Variants in RAP1GAP2 observed in about 807,000 individuals in gnomAD.
RAP1GAP2 encodes the protein RAP1 GTPase activating protein 2, also known as rap1 GTPase-activating protein 2.
RAP1GAP2 carries 27 observed loss-of-function variants against 95.0 expected under a neutral mutation model. The ratio of observed to expected loss-of-function variants is 0.28; its 90% CI spans 0.21 to 0.39. The LOEUF (loss-of-function observed/expected upper bound fraction) is 0.39. RAP1GAP2 is among the 10% of genes least tolerant of loss of function. RAP1GAP2 has a pLI of 1.00. For missense variants in RAP1GAP2, 771 were observed against 970.0 expected (o/e 0.79, Z 2.72); for synonymous variants, 373 against 380.9 (o/e 0.98, Z 0.24).
rs1033802599 is a variant in RAP1GAP2 at position 2,940,946 on chromosome 17, A to G, written c.166-16813A>G. Among the ~76,000 whole-genome samples, 8 of 152,228 alleles carry G rather than the reference A, an allele frequency of 5.3e-5. No individual in the cohort carries two copies. The East Asian group carries it at 5.8e-4, about 11-fold the overall frequency. The stretch of plus-strand genomic sequence containing the variant: ...TGGGGTTGGACCAAGGAGTTCCCCA[A>G]TCTCAGGCTGCACCGCCATGGGCTC... On this transcript the variant is annotated intron_variant, in intron 3 of 24. Coordinates refer to ENST00000254695, the MANE Select transcript of RAP1GAP2 (RefSeq NM_015085.5).
At chr17:2,967,615 A>G (rs977387361) in intron 8 of RAP1GAP2, among the ~76,000 whole-genome samples, 25 of 152,158 alleles carry the variant, frequency 1.6e-4, no homozygotes, top group African/African-American at 6.0e-4. Context: ...GCTAGTAGGT[A>G]GGGTGGTGAC....
chr17:2,873,597 G>T (rs1038066152), intron 2 of RAP1GAP2, among the ~76,000 whole-genome samples: 6 of 149,704 alleles, frequency 4.0e-5, no homozygotes, highest in African/African-American at 1.5e-4. Context: ...GACAAAATAG[G>T]CCTTCTAATA....
At chr17:2,849,763 G>A (rs922244294) in intron 2 of RAP1GAP2, among the ~76,000 whole-genome samples, 2 of 152,160 alleles carry the variant, frequency 1.3e-5, no homozygotes, top group African/African-American at 4.8e-5. Flanking sequence ...TAAGTTGGGT[G>A]AGGTGAGACC....
intron 1 of RAP1GAP2, among the ~76,000 whole-genome samples, chr17:2,760,464 C>G (rs1185390496): frequency 6.7e-6 from 1 of 149,716 alleles, no homozygotes; most frequent in Admixed American, 6.7e-5. Context: ...CCTCAGCCTC[C>G]TGAGTAGCTG....
intron 17 of RAP1GAP2, among the ~76,000 whole-genome samples, chr17:3,011,609 G>GT (rs555219792): frequency 0.41 from 44,759 of 109,658 alleles, 10,727 homozygotes; most frequent in South Asian, 0.57. Flanking sequence ...TCCTGTCAAA[G>GT]TTTTTTTTTT....
Position 3,026,482 on chromosome 17 carries a change from A to G in RAP1GAP2, c.1980+18A>G, listed in dbSNP as rs201737125. On this transcript the variant is annotated intron_variant, in intron 21 of 24. Coordinates refer to ENST00000254695, the MANE Select transcript of RAP1GAP2 (RefSeq NM_015085.5). ...ACAGTGGGGTAGGTGTGCCCCGTCC[A>G]CCCTTGGGCAGGCACTCTGGGGCGT... 3 of 1,524,452 alleles carry G rather than the reference A, an allele frequency of 2.0e-6. No homozygotes were observed. Among genetic ancestry groups the G allele is most frequent in the African/African-American group, 1.4e-5 (1 of 72,498 alleles). The allele number at this position is 1,524,452 out of a possible 1,614,324, so 94.4% of individuals were successfully genotyped here. A position where few individuals can be genotyped will look rare whatever the true frequency, so the allele number is the denominator to read the frequency against.
At chr17:2,781,443 T>C (rs2068643600) in intron 1 of RAP1GAP2, among the ~76,000 whole-genome samples, 1 of 152,242 alleles carries the variant, frequency 6.6e-6, no homozygotes, top group Admixed American at 6.5e-5. Flanking sequence ...GGAGGGCTTG[T>C]TGCTGGATTG....
At chr17:2,895,526 ACT>A (rs569421880) in intron 2 of RAP1GAP2, among the ~76,000 whole-genome samples, 287 of 152,150 alleles carry the variant, frequency 1.9e-3, no homozygotes, top group Non-Finnish European at 3.1e-3. Context: ...TACATGGATC[ACT>A]TCACACAGTG....
intron 2 of RAP1GAP2, among the ~76,000 whole-genome samples, chr17:2,839,958 C>G (rs560041676): frequency 2.6e-5 from 4 of 151,522 alleles, no homozygotes; most frequent in African/African-American, 9.7e-5. Flanking sequence ...GCCACCACGC[C>G]CAGCTATTTT....
At chr17:2,758,263 C>T (rs1026401722) in intron 1 of RAP1GAP2, among the ~76,000 whole-genome samples, 3 of 146,452 alleles carry the variant, frequency 2.0e-5, no homozygotes, top group African/African-American at 7.6e-5. Context: ...GCAACCTGTG[C>T]CTCCTGGGTT....
At chr17:2,772,861 T>C (rs1243579037), upstream of RAP1GAP2, among the ~76,000 whole-genome samples, 2 of 145,572 alleles carry the variant, frequency 1.4e-5, no homozygotes, top group Admixed American at 6.8e-5. Flanking sequence ...CTTTCTTTTT[T>C]TTTTTTTTTT....
chr17:2,864,947 C>T (rs1256150196), intron 2 of RAP1GAP2, among the ~76,000 whole-genome samples: 1 of 152,200 alleles, frequency 6.6e-6, no homozygotes, highest in East Asian at 1.9e-4. Flanking sequence ...TCTGGGCCTG[C>T]ACCTGCCTGG....
At chr17:2,776,926 C>G (rs980461438), upstream of RAP1GAP2, 1 of 152,946 alleles carries the variant, frequency 6.5e-6, no homozygotes, top group South Asian at 1.8e-4. Context: ...CAGAGGCAGC[C>G]GCGCGCCAGG....
intron 20 of RAP1GAP2, 36 bp downstream of exon 20, chr17:3,026,157 C>T (rs756998268): frequency 2.1e-5 from 32 of 1,516,678 alleles, no homozygotes; most frequent in Middle Eastern, 3.4e-4. Context: ...CAGCTTCGGC[C>T]ACGTGGAGCC....
chr17:3,020,775 C>A (rs1259807633), intron 19 of RAP1GAP2, among the ~76,000 whole-genome samples, 180 bp downstream of exon 19: 1 of 152,206 alleles, frequency 6.6e-6, no homozygotes, highest in African/African-American at 2.4e-5. Flanking sequence ...TCCAAAGAGG[C>A]GGACTTGGCC....
intron 13 of RAP1GAP2, among the ~76,000 whole-genome samples, chr17:2,996,452 TG>T (rs1432370431): frequency 6.6e-6 from 1 of 152,166 alleles, no homozygotes; most frequent in Admixed American, 6.5e-5. Context: ...GGAGCACAGA[TG>T]TAAAATTGTA....
chr17:3,017,936 T>TGTGC (rs1555601594), intron 17 of RAP1GAP2, 125 bp from the exon 18 acceptor site: 6 of 811,554 alleles, frequency 7.4e-6, no homozygotes, highest in Non-Finnish European at 1.1e-5. Context: ...TGTGTGTGTG[T>TGTGC]GTGTGTGTGT....
chr17:2,803,095 C>A (rs1052529960), intron 2 of RAP1GAP2, among the ~76,000 whole-genome samples: 1 of 152,180 alleles, frequency 6.6e-6, no homozygotes, highest in Non-Finnish European at 1.5e-5. Flanking sequence ...AGTTCAATCT[C>A]ACAAGCACTT....
At chr17:2,992,122 A>C (rs192892326) in intron 12 of RAP1GAP2, among the ~76,000 whole-genome samples, 2 of 151,224 alleles carry the variant, frequency 1.3e-5, no homozygotes, top group African/African-American at 4.9e-5. Context: ...GCTGATGCAA[A>C]TATAACAGTT....
Sources: allele counts gnomAD v4.1 joint callset (sites outside exome capture counted in the v4.1 genomes callset), GRCh38; gene constraint gnomAD v4.1.1; transcripts MANE v1.5; gene names NCBI Gene and HGNC (gene_info 2026-07-23, HGNC 2026-07-21).